S1PR2: variants seen among roughly 807,000 people sequenced by gnomAD.
The protein encoded by S1PR2 is sphingosine-1-phosphate receptor 2.
In S1PR2, 9 loss-of-function variants were observed where a neutral mutation model predicts 16.1. The observed-to-expected ratio is 0.56, with a 90% CI of 0.34 to 0.98. The LOEUF is 0.98. S1PR2 is among the 50% of genes least tolerant of loss of function. The pLI is 0.02. For synonymous variants in S1PR2, 224 were observed against 233.9 expected, an observed-to-expected ratio of 0.96 and a Z score of 0.38; for missense variants, 361 against 488.4, an observed-to-expected ratio of 0.74 and a Z score of 2.46.
At chr19:10,225,635 T>C (rs2039629567) in intron 1 of S1PR2, among the ~76,000 whole-genome samples, 1 of 151,892 alleles carries the variant, frequency 6.6e-6, no homozygotes, top group African/African-American at 2.4e-5. Context: ...TCTGACCTCA[T>C]GATCCGCCTG....
chr19:10,228,138 CAAAAAAA>C (rs141807915), intron 1 of S1PR2, among the ~76,000 whole-genome samples: 1 of 97,646 alleles, frequency 1.0e-5, no homozygotes, highest in Admixed American at 1.1e-4. Flanking sequence ...CCCCTCTACT[CAAAAAAA>C]AAAAAAAAAA....
At chr19:10,227,803 G>A (rs1157225099) in intron 1 of S1PR2, among the ~76,000 whole-genome samples, 1 of 152,104 alleles carries the variant, frequency 6.6e-6, no homozygotes, top group Non-Finnish European at 1.5e-5. Context: ...CTATGTGGAC[G>A]TCCCTAGGGG....
chr19:10,228,917 C>G (rs1568276721), intron 1 of S1PR2, among the ~76,000 whole-genome samples: 1 of 152,120 alleles, frequency 6.6e-6, no homozygotes, highest in African/African-American at 2.4e-5. Flanking sequence ...TTCCAAGGTC[C>G]TCTCCACCCA....
At position 10,222,942 on chromosome 19, in the gene S1PR2, G is replaced by C. The variant is rs1182414377; in HGVS notation, c.*902C>G. The C allele has an allele frequency of 2.0e-5, 3 of 151,552 alleles. No individual in the cohort carries two copies. The highest frequency in any genetic ancestry group is 2.9e-5 in the Non-Finnish European group (2 of 67,958). 9.4% of individuals were successfully genotyped at this position (151,552 alleles called of 1,614,324 possible). ...TGGGAGGCCAACACGGGCGGATCAT[G>C]AGGTCAGGAGTTCGAGACCAGCCTG... On this transcript the variant is annotated 3_prime_UTR_variant, in exon 2 of 2. Transcript: ENST00000646641.
At chr19:10,225,116 A>G (rs542424487) in intron 1 of S1PR2, among the ~76,000 whole-genome samples, 169 bp from the exon 2 acceptor site, 52 of 152,258 alleles carry the variant, frequency 3.4e-4, no homozygotes, top group African/African-American at 1.3e-3. Context: ...GGAAACCCAG[A>G]GAGATTAATT....
intron 1 of S1PR2, among the ~76,000 whole-genome samples, chr19:10,228,039 G>T (rs1458604146): frequency 1.3e-5 from 2 of 151,622 alleles, no homozygotes; most frequent in African/African-American, 4.8e-5. Flanking sequence ...AGTGGCTCAT[G>T]CCTGTAATCC....
Position 10,223,528 on chromosome 19 carries a change from C to A in S1PR2, c.*316G>T. ...CTTTGTACCAGGTGGTAAAGTGCTCCTGCCCTGAGCTCCCCTTAAATGCTG... is the reference window on the plus strand; with the variant it reads ...CTTTGTACCAGGTGGTAAAGTGCTCATGCCCTGAGCTCCCCTTAAATGCTG... On this transcript the variant is annotated 3_prime_UTR_variant, in exon 2 of 2. Coordinates refer to ENST00000646641, the MANE Select transcript of S1PR2 (RefSeq NM_004230.4). 2.8e-6 allele frequency: 1 copy of A among 362,326 alleles called. No individual in the cohort carries two copies. The highest frequency in any genetic ancestry group is 5.0e-6 in the Non-Finnish European group (1 of 201,250). The allele number at this position is 362,326 out of a possible 1,614,324, so 22.4% of individuals were successfully genotyped here.
chr19:10,230,391 A>T (rs2145446756), intron 1 of S1PR2: 1 of 154,556 alleles, frequency 6.5e-6, no homozygotes, highest in African/African-American at 2.4e-5. Context: ...GGGGTGGGGG[A>T]CCAGATCGCA....
At position 10,223,715 on chromosome 19, in the gene S1PR2, T is replaced by TTGCAACATC. The variant is rs1168731487; in HGVS notation, c.*120_*128dup. Reference sequence around the variant, plus strand: ...TCTGGCCTTTCCAGGTGTGAAATATTTGCAACATCACCCAGGTCTGTGGGG... The same window carrying TTGCAACATC: ...TCTGGCCTTTCCAGGTGTGAAATATTTGCAACATCTGCAACATCACCCAGGTCTGTGGGG... On this transcript the variant is annotated 3_prime_UTR_variant, in exon 2 of 2. Coordinates refer to ENST00000646641, the MANE Select transcript of S1PR2 (RefSeq NM_004230.4). 4.3e-5 allele frequency: 37 copies of TTGCAACATC among 863,250 alleles called. No individual in the cohort carries two copies. In the East Asian group the frequency reaches 9.6e-4, roughly 22 times the overall value. The allele number at this position is 863,250 out of a possible 1,614,324, so 53.5% of individuals were successfully genotyped here.
At chr19:10,225,390 ATTTTTT>A (rs35464657) in intron 1 of S1PR2, among the ~76,000 whole-genome samples, 2,666 of 80,556 alleles carry the variant, frequency 0.033, 32 homozygotes, top group Middle Eastern at 0.12. Flanking sequence ...CGCCTGGCTA[ATTTTTT>A]TTTTTTTTTT....
chr19:10,230,132 C>T (rs2039661432), intron 1 of S1PR2, among the ~76,000 whole-genome samples: 1 of 152,382 alleles, frequency 6.6e-6, no homozygotes, highest in Admixed American at 6.5e-5. Context: ...CCACCATCAA[C>T]CAGGCAAAGC....
intron 1 of S1PR2, among the ~76,000 whole-genome samples, chr19:10,227,861 C>G (rs2039645506): frequency 6.6e-6 from 1 of 152,058 alleles, no homozygotes; most frequent in Non-Finnish European, 1.5e-5. Context: ...CCAGACACCC[C>G]CAGGCTGCCC....
Position 10,223,982 on chromosome 19 carries a change from C to A in S1PR2, c.924G>T (p.Pro308=). 6.2e-7 allele frequency: 1 copy of A among 1,609,770 alleles called. No homozygotes were observed. Among genetic ancestry groups the A allele is most frequent in the Non-Finnish European group, 8.5e-7 (1 of 1,177,692 alleles). ...GCCTCCGTCCTTGCACCCCCACCCC[C>A]GGCCTCCAGCACTGCAGCGGCCGAA... The part of the protein sequence containing the change: ...EVLRPLQCWR[P]GVGVQGRRRG... The change falls in exon 2 of 2, where the codon CCG becomes CCT. Residue 308 remains proline (P), a synonymous_variant. Transcript: ENST00000646641.
chr19:10,227,581 C>T (rs1281243021), intron 1 of S1PR2, among the ~76,000 whole-genome samples: 1 of 152,218 alleles, frequency 6.6e-6, no homozygotes, highest in Non-Finnish European at 1.5e-5. Flanking sequence ...GCCCAGGCTG[C>T]GGCTGGATCA....
chr19:10,223,442 C>T lies in S1PR2; in HGVS notation c.*402G>A, dbSNP rs559827831. On this transcript the variant is annotated 3_prime_UTR_variant, in exon 2 of 2. Coordinates refer to ENST00000646641, the MANE Select transcript of S1PR2 (RefSeq NM_004230.4). ...CGGAGCTTGCGGTGAGCCGAGATCA[C>T]GCCACTGCACTCCAGCCTGGGCAGC... 2 of 168,498 alleles carry T rather than the reference C, an allele frequency of 1.2e-5. No homozygotes were observed. The highest frequency in any genetic ancestry group is 3.7e-4 in the South Asian group (2 of 5,444). The allele number at this position is 168,498 out of a possible 1,614,324, so 10.4% of individuals were successfully genotyped here.
chr19:10,230,524 CGGG>C, intron 1 of S1PR2: 1 of 154,612 alleles, frequency 6.5e-6, no homozygotes, highest in East Asian at 1.9e-4. Context: ...TGGAAATCCC[CGGG>C]TGAGTCAACC....
At chr19:10,230,209 T>G (rs1325179012) in intron 1 of S1PR2, among the ~76,000 whole-genome samples, 1 of 152,276 alleles carries the variant, frequency 6.6e-6, no homozygotes, top group Middle Eastern at 3.4e-3. Flanking sequence ...TCGGCCTCCT[T>G]ATCTGGTTTA....
At chr19:10,225,182 C>T (rs142736246) in intron 1 of S1PR2, among the ~76,000 whole-genome samples, 8 of 152,160 alleles carry the variant, frequency 5.3e-5, no homozygotes, top group East Asian at 1.9e-4. Context: ...ACTGGCTCTG[C>T]GGCCTCTATA....
At chr19:10,226,687 C>T (rs1346175536) in intron 1 of S1PR2, among the ~76,000 whole-genome samples, 1 of 152,128 alleles carries the variant, frequency 6.6e-6, no homozygotes, top group Admixed American at 6.6e-5. Context: ...CCCTCCCCAG[C>T]CAGGATGAAA....
Sources: gnomAD v4.1 joint callset for allele counts (sites outside exome capture counted in the v4.1 genomes callset) on GRCh38, gnomAD v4.1.1 for gene constraint, MANE v1.5 for transcripts, NCBI Gene and HGNC (gene_info 2026-07-23, HGNC 2026-07-21) for gene names.